Variants in SLCO2B1 observed in about 807,000 individuals in gnomAD.
SLCO2B1 encodes solute carrier organic anion transporter family member 2B1, also known as OATP-RP2.
A neutral mutation model predicts 67.3 loss-of-function variants in SLCO2B1; 41 were observed. That is an observed-to-expected ratio of 0.61 (90% confidence interval 0.47 to 0.79). SLCO2B1 has a LOEUF of 0.79. Among genes scored for constraint, SLCO2B1 ranks in the 30% least tolerant of loss-of-function variants. SLCO2B1 has a pLI of 0.00. For missense variants in SLCO2B1, 837 were observed against 920.1 expected (o/e 0.91, Z 1.17); for synonymous variants, 379 against 381.4 (o/e 0.99, Z 0.07).
intron 1 of SLCO2B1, among the ~76,000 whole-genome samples, chr11:75,161,260 T>C (rs1949816454): frequency 6.6e-6 from 1 of 152,136 alleles, no homozygotes; most frequent in African/African-American, 2.4e-5. Context: ...TAGAGACAAA[T>C]AGTAGATGAG....
chr11:75,190,473 C>T (rs1272447182), intron 8 of SLCO2B1, among the ~76,000 whole-genome samples: 1 of 152,202 alleles, frequency 6.6e-6, no homozygotes, highest in Non-Finnish European at 1.5e-5. Flanking sequence ...AGGAAAGGCC[C>T]CTGTCAGATG....
intron 7 of SLCO2B1, among the ~76,000 whole-genome samples, chr11:75,177,337 G>A (rs540957002): frequency 4.0e-4 from 61 of 152,352 alleles, no homozygotes; most frequent in Non-Finnish European, 4.4e-4. Flanking sequence ...TTTGTCAGAG[G>A]AGGCTGAGGC....
chr11:75,197,457 C>T (rs939342592), intron 10 of SLCO2B1, among the ~76,000 whole-genome samples: 10 of 152,222 alleles, frequency 6.6e-5, no homozygotes, highest in African/African-American at 1.7e-4. Context: ...AACACACATG[C>T]GCAAGCATGC....
intron 3 of SLCO2B1, 140 bp from the exon 4 acceptor site, chr11:75,165,647 C>A: frequency 2.0e-6 from 2 of 1,006,948 alleles, no homozygotes; most frequent in Non-Finnish European, 3.0e-6. Flanking sequence ...CGAGGGGGAC[C>A]CAGGAGAGGG....
chr11:75,189,686 C>T (rs1302531732), intron 8 of SLCO2B1, among the ~76,000 whole-genome samples: 1 of 152,072 alleles, frequency 6.6e-6, no homozygotes, highest in Non-Finnish European at 1.5e-5. Flanking sequence ...GTGGCTCACA[C>T]CTGTAATCCC....
intron 7 of SLCO2B1, among the ~76,000 whole-genome samples, chr11:75,176,558 C>T (rs76855336): frequency 2.0e-5 from 3 of 152,230 alleles, no homozygotes; most frequent in African/African-American, 7.2e-5. Flanking sequence ...CTATGACTCC[C>T]CAAATCCACA....
chr11:75,168,993 C>T lies in SLCO2B1; in HGVS notation c.449-180C>T, dbSNP rs542362427. On this transcript the variant is annotated intron_variant, in intron 4 of 13. Coordinates refer to ENST00000289575, the MANE Select transcript of SLCO2B1 (RefSeq NM_007256.5). The stretch of plus-strand genomic sequence containing the variant: ...CCTGGCCCTGTCACCTTACTAGTTG[C>T]TGTCTAAGCATCAGTTTCCTCACCT... Among the ~76,000 whole-genome samples, 4 of 152,186 alleles carry T rather than the reference C, an allele frequency of 2.6e-5. No homozygotes were observed. The South Asian group carries it at 6.2e-4, about 24-fold the overall frequency.
intron 4 of SLCO2B1, among the ~76,000 whole-genome samples, 166 bp from the exon 5 acceptor site, chr11:75,169,007 G>A (rs780988810): frequency 6.6e-6 from 1 of 152,198 alleles, no homozygotes; most frequent in Non-Finnish European, 1.5e-5. Flanking sequence ...CTAAGCATCA[G>A]TTTCCTCACC....
At chr11:75,203,123 G>T in intron 12 of SLCO2B1, 158 bp downstream of exon 12, 1 of 1,137,318 alleles carries the variant, frequency 8.8e-7, no homozygotes, top group Non-Finnish European at 1.3e-6. Context: ...CTAGAGCGGG[G>T]TATAGAGGCA....
intron 1 of SLCO2B1, among the ~76,000 whole-genome samples, chr11:75,162,316 G>A (rs892022130): frequency 6.6e-6 from 1 of 152,134 alleles, no homozygotes; most frequent in Non-Finnish European, 1.5e-5. Context: ...TTACCCTACT[G>A]CTGGGGCCAC....
At chr11:75,177,781 C>G (rs763401674) in intron 7 of SLCO2B1, among the ~76,000 whole-genome samples, 1 of 152,138 alleles carries the variant, frequency 6.6e-6, no homozygotes, top group Non-Finnish European at 1.5e-5. Flanking sequence ...GGGTTGGCCA[C>G]TCCCAGATTC....
In SLCO2B1 at chr11:75,172,421, C is replaced by A; in HGVS notation, c.824C>A (p.Ala275Asp). ...LTIKDPRWVG[A>D]WWLGFLIAAG... is the part of the protein sequence containing the mutation. ...ATAAAGGACCCCCGATGGGTGGGTGCCTGGTGGCTGGGTTTCCTCATCGCT... is the reference window on the plus strand; with the variant it reads ...ATAAAGGACCCCCGATGGGTGGGTGACTGGTGGCTGGGTTTCCTCATCGCT... The change falls in exon 7 of 14, where the codon GCC becomes GAC. Residue 275 changes from alanine to aspartate, a missense_variant. Ala to Asp is a moderately radical substitution (Grantham distance 126, BLOSUM62 -2). Transcript: ENST00000289575. 1 of 1,614,110 alleles carries A rather than the reference C, an allele frequency of 6.2e-7. No individual in the cohort carries two copies.
At position 75,193,210 on chromosome 11, in the gene SLCO2B1, C is replaced by T. The variant is rs1370411058; in HGVS notation, c.1076-8C>T. The T allele has an allele frequency of 6.3e-7, 1 of 1,599,940 alleles. No homozygotes were observed. Among genetic ancestry groups the T allele is most frequent in the Admixed American group, 1.7e-5 (1 of 59,586 alleles). On this transcript the variant is annotated splice_region_variant and splice_polypyrimidine_tract_variant and intron_variant, in intron 8 of 13. Transcript: ENST00000289575. This position sits in a 1 kb window ranked among gnomAD's most constrained non-coding sequence, Gnocchi z 4.2. The stretch of plus-strand genomic sequence containing the variant: ...TGCCTGCCCTGACCTCTGCACTCGC[C>T]CCCACAGTCTTCCCCAGGGTGCTGC...
intron 7 of SLCO2B1, among the ~76,000 whole-genome samples, chr11:75,184,534 GC>G (rs1464941621): frequency 2.0e-5 from 3 of 152,056 alleles, no homozygotes; most frequent in Non-Finnish European, 4.4e-5. Context: ...CACCAGGGAG[GC>G]CCCCCCAGCA....
chr11:75,181,647 G>C (rs1950093186), intron 7 of SLCO2B1, among the ~76,000 whole-genome samples: 1 of 152,136 alleles, frequency 6.6e-6, no homozygotes, highest in African/African-American at 2.4e-5. Context: ...ACCAAGGATA[G>C]CGCCTGGATC....
At chr11:75,161,189 C>T (rs1259507658) in intron 1 of SLCO2B1, among the ~76,000 whole-genome samples, 1 of 152,136 alleles carries the variant, frequency 6.6e-6, no homozygotes, top group East Asian at 1.9e-4. Flanking sequence ...AAGCCAGTCA[C>T]AAAAGGCCAC....
chr11:75,203,014 C>G lies in SLCO2B1; in HGVS notation c.1828+49C>G, dbSNP rs760640336. ...TGGTGGTGGTGATGGGGTCCAGATG[C>G]CCACTGTGTGCCAGGCCTGGGGCAC... On this transcript the variant is annotated intron_variant, in intron 12 of 13. Transcript: ENST00000289575. 6.1e-5 allele frequency: 92 copies of G among 1,513,216 alleles called. No homozygotes were observed. The East Asian group carries it at 1.1e-3, about 18-fold the overall frequency. 93.7% of individuals were successfully genotyped at this position (1,513,216 alleles called of 1,614,324 possible).
At chr11:75,154,160 G>A (rs983687985) in intron 1 of SLCO2B1, among the ~76,000 whole-genome samples, 7 of 150,832 alleles carry the variant, frequency 4.6e-5, no homozygotes, top group African/African-American at 9.7e-5. Context: ...TCCTGACCTC[G>A]TGATCCATCT....
intron 10 of SLCO2B1, among the ~76,000 whole-genome samples, chr11:75,198,468 C>A (rs764522226): frequency 9.8e-5 from 15 of 152,352 alleles, no homozygotes; most frequent in Non-Finnish European, 1.9e-4. Context: ...ATTTTAAATA[C>A]TCAGTAATAC....
Sources: gnomAD v4.1 joint callset for allele counts (sites outside exome capture counted in the v4.1 genomes callset) on GRCh38, gnomAD v4.1.1 for gene constraint, Gnocchi (gnomAD v3.1) non-coding constraint, MANE v1.5 for transcripts, NCBI Gene and HGNC (gene_info 2026-07-23, HGNC 2026-07-21) for gene names.